The following PDE7B variants were observed in gnomAD, a reference collection of about 807,000 sequenced individuals.
PDE7B encodes the protein 3',5'-cyclic-AMP phosphodiesterase 7B.
PDE7B carries 29 observed loss-of-function variants against 56.2 expected under a neutral mutation model. That is an observed-to-expected ratio of 0.52 (90% CI 0.38 to 0.70). PDE7B has a LOEUF of 0.70. Among genes scored for constraint, PDE7B ranks in the 30% least tolerant of loss-of-function variants. PDE7B has a pLI of 0.00. For missense variants in PDE7B, 490 were observed against 565.0 expected, an observed-to-expected ratio of 0.87 and a Z score of 1.35; for synonymous variants, 197 against 196.9, an observed-to-expected ratio of 1.00 and a Z score of 0.00.
intron 2 of PDE7B, among the ~76,000 whole-genome samples, chr6:135,949,672 A>G (rs1774662547): frequency 6.6e-6 from 1 of 152,086 alleles, no homozygotes; most frequent in Non-Finnish European, 1.5e-5. Flanking sequence ...GAAGAGTTTT[A>G]ATTAAGCTGA....
intron 3 of PDE7B, among the ~76,000 whole-genome samples, chr6:136,124,691 C>T (rs1777992058): frequency 6.6e-6 from 1 of 152,050 alleles, no homozygotes; most frequent in Non-Finnish European, 1.5e-5. Context: ...TATCCTAGTC[C>T]CCAGAACAAT....
intron 2 of PDE7B, among the ~76,000 whole-genome samples, chr6:135,956,147 A>G (rs529750622): frequency 6.6e-6 from 1 of 152,278 alleles, no homozygotes; most frequent in African/African-American, 2.4e-5. Context: ...GGAGACTAAA[A>G]TAGAGTGGGC....
intron 2 of PDE7B, among the ~76,000 whole-genome samples, chr6:136,024,588 G>C (rs149785452): frequency 7.0e-4 from 106 of 152,218 alleles, no homozygotes; most frequent in African/African-American, 2.5e-3. Flanking sequence ...ACAGAGAAGG[G>C]AGCAGATACT....
intron 2 of PDE7B, among the ~76,000 whole-genome samples, chr6:135,948,037 G>A (rs977980969): frequency 7.9e-5 from 12 of 151,934 alleles, no homozygotes; most frequent in East Asian, 3.8e-4. Context: ...GTTCTTGTAG[G>A]ATGATATATC....
At chr6:135,997,413 CAAAAAAAAAAAAAAAAAAAAAAAAAAAAA>C (rs59388049) in intron 2 of PDE7B, among the ~76,000 whole-genome samples, 1 of 10,706 alleles carries the variant, frequency 9.3e-5, no homozygotes, top group East Asian at 4.5e-3. Flanking sequence ...GACCCTGTCT[CAAAAAAAAAAAAAAAAAAAAAAAAAAAAA>C]AAAAAAAAAG....
intron 1 of PDE7B, among the ~76,000 whole-genome samples, chr6:135,942,679 A>G (rs748113617): frequency 6.6e-5 from 10 of 152,100 alleles, no homozygotes; most frequent in Admixed American, 3.3e-4. Context: ...CCTGGTAAAT[A>G]TTGTTCTACC....
chr6:136,053,791 G>C (rs1415289099), intron 2 of PDE7B, among the ~76,000 whole-genome samples: 4 of 152,056 alleles, frequency 2.6e-5, no homozygotes, highest in Admixed American at 6.5e-5. Context: ...GTTTTGATTT[G>C]CATTTCTCTG....
intron 2 of PDE7B, among the ~76,000 whole-genome samples, chr6:136,108,140 A>AAAAG (rs1273314667): frequency 2.7e-5 from 4 of 150,080 alleles, no homozygotes; most frequent in African/African-American, 7.3e-5. Flanking sequence ...AAAAAAAAAA[A>AAAAG]AAAGAAAGAA....
intron 2 of PDE7B, among the ~76,000 whole-genome samples, chr6:135,990,376 G>A (rs1030349628): frequency 2.0e-5 from 3 of 152,170 alleles, no homozygotes; most frequent in Admixed American, 6.5e-5. Flanking sequence ...GATTACAGGC[G>A]TGAGCTACTA....
chr6:135,978,175 C>A (rs1562458482), intron 2 of PDE7B, among the ~76,000 whole-genome samples: 1 of 152,044 alleles, frequency 6.6e-6, no homozygotes, highest in African/African-American at 2.4e-5. Flanking sequence ...GCCTATTGCT[C>A]GTAGGCTACA....
intron 2 of PDE7B, among the ~76,000 whole-genome samples, chr6:136,036,876 T>G (rs1583840777): frequency 6.6e-6 from 1 of 152,240 alleles, no homozygotes; most frequent in East Asian, 1.9e-4. Context: ...TTCAAATTGT[T>G]CCTACAAACC....
intron 2 of PDE7B, among the ~76,000 whole-genome samples, chr6:135,983,019 C>G (rs1310203272): frequency 6.6e-6 from 1 of 152,120 alleles, no homozygotes; most frequent in African/African-American, 2.4e-5. Context: ...TAATGGTAGT[C>G]TAATCCATGA....
chr6:136,029,849 C>A (rs1486257129), intron 2 of PDE7B, among the ~76,000 whole-genome samples: 1 of 152,104 alleles, frequency 6.6e-6, no homozygotes, highest in Non-Finnish European at 1.5e-5. Context: ...ATTCTTCTAG[C>A]AACACTGCAT....
intron 2 of PDE7B, among the ~76,000 whole-genome samples, chr6:136,011,195 CTT>C (rs1775887714): frequency 6.6e-6 from 1 of 152,162 alleles, no homozygotes; most frequent in Non-Finnish European, 1.5e-5. Context: ...CCTCAAAAGA[CTT>C]TATTTTCCTT....
chr6:135,875,311 G>A (rs749679732), intron 1 of PDE7B, among the ~76,000 whole-genome samples: 1 of 151,174 alleles, frequency 6.6e-6, no homozygotes, highest in African/African-American at 2.4e-5. Flanking sequence ...ATGGATTGAG[G>A]TTTTAAATAT....
chr6:135,852,266 C>T (rs757887378), intron 1 of PDE7B, among the ~76,000 whole-genome samples: 6 of 151,730 alleles, frequency 4.0e-5, no homozygotes, highest in African/African-American at 7.3e-5. Flanking sequence ...AATGAGACTC[C>T]GGCATTTTCA....
intron 1 of PDE7B, among the ~76,000 whole-genome samples, chr6:135,874,222 C>G (rs532692923): frequency 6.6e-6 from 1 of 152,288 alleles, no homozygotes; most frequent in African/African-American, 2.4e-5. Flanking sequence ...GGGAATGCAT[C>G]TGATGTCGTG....
intron 2 of PDE7B, among the ~76,000 whole-genome samples, chr6:135,965,976 A>G (rs531921505): frequency 6.6e-6 from 1 of 152,344 alleles, no homozygotes; most frequent in Non-Finnish European, 1.5e-5. Context: ...AATTAACAAA[A>G]TAAGGAAAAA....
intron 2 of PDE7B, among the ~76,000 whole-genome samples, chr6:136,045,531 GGTACTCCAGTGA>G (rs1213869337): frequency 6.6e-6 from 1 of 152,120 alleles, no homozygotes; most frequent in Admixed American, 6.5e-5. Flanking sequence ...AATGCTGAGG[GGTACTCCAGTGA>G]GTAGGTCACA....
Sources: gnomAD v4.1 joint callset for allele counts (sites outside exome capture counted in the v4.1 genomes callset) on GRCh38, gnomAD v4.1.1 for gene constraint, MANE v1.5 for transcripts, NCBI Gene and HGNC (gene_info 2026-07-23, HGNC 2026-07-21) for gene names.